The following DLGAP2 variants were observed in gnomAD, a reference collection of about 807,000 sequenced individuals.
The protein encoded by DLGAP2 is disks large-associated protein 2.
DLGAP2 carries 26 observed loss-of-function variants against 100.3 expected under a neutral mutation model. The observed-to-expected ratio is 0.26, with a 90% CI of 0.19 to 0.36. The LOEUF is 0.36. Among genes scored for constraint, DLGAP2 ranks in the 10% least tolerant of loss-of-function variants. DLGAP2 has a pLI of 1.00. For missense variants in DLGAP2, 1,858 were observed against 1,453.2 expected, an observed-to-expected ratio of 1.28 and a Z score of -4.53; for synonymous variants, 886 against 630.1, an observed-to-expected ratio of 1.41 and a Z score of -6.08.
intron 2 of DLGAP2, among the ~76,000 whole-genome samples, chr8:1,115,204 T>C (rs1011808742): frequency 6.6e-6 from 1 of 152,264 alleles, no homozygotes; most frequent in African/African-American, 2.4e-5. Flanking sequence ...GTCTGTCATA[T>C]GCATTTGGTC....
intron 1 of DLGAP2, among the ~76,000 whole-genome samples, chr8:805,046 T>C (rs1348480292): frequency 6.6e-6 from 1 of 152,208 alleles, no homozygotes; most frequent in Non-Finnish European, 1.5e-5. Context: ...GTTGGGATTA[T>C]AGGCGTGAGC....
At position 1,012,543 on chromosome 8, in the gene DLGAP2, C is replaced by G. The variant is rs192960655; in HGVS notation, c.73+104577C>G. On this transcript the variant is annotated intron_variant, in intron 2 of 14. Coordinates refer to ENST00000637795, the MANE Select transcript of DLGAP2 (RefSeq NM_001346810.2). Reference sequence around the variant, plus strand: ...CAACGTCCGACCAGCCCCCCCACTTCAGCGGCAGTGTAGACACCGTCCAAC... The same window carrying G: ...CAACGTCCGACCAGCCCCCCCACTTGAGCGGCAGTGTAGACACCGTCCAAC... Among the ~76,000 whole-genome samples, 777 of 133,816 alleles carry G rather than the reference C, an allele frequency of 5.8e-3. 5 individuals are homozygous for G. Among genetic ancestry groups the G allele is most frequent in the Non-Finnish European group, 8.9e-3 (557 of 62,506 alleles). 87.8% of individuals were successfully genotyped at this position (133,816 alleles called of 152,430 possible).
intron 3 of DLGAP2, among the ~76,000 whole-genome samples, chr8:1,391,367 C>A (rs1796347927): frequency 6.6e-6 from 1 of 152,204 alleles, no homozygotes; most frequent in Non-Finnish European, 1.5e-5. Context: ...ATGCCCCATT[C>A]AGAGGCCAGA....
At chr8:1,324,960 G>T (rs1012138476) in intron 3 of DLGAP2, among the ~76,000 whole-genome samples, 3 of 152,148 alleles carry the variant, frequency 2.0e-5, no homozygotes, top group African/African-American at 7.2e-5. Flanking sequence ...AGGCAGACTC[G>T]GGATGAGAAT....
intron 5 of DLGAP2, among the ~76,000 whole-genome samples, chr8:1,561,693 G>A (rs150902488): frequency 0.029 from 4,238 of 145,084 alleles, 89 homozygotes; most frequent in South Asian, 0.04. Flanking sequence ...TCCGCGCCTC[G>A]TTACTGGGGG....
At chr8:1,064,608 G>A (rs1563172352) in intron 2 of DLGAP2, among the ~76,000 whole-genome samples, 2 of 152,146 alleles carry the variant, frequency 1.3e-5, no homozygotes, top group Non-Finnish European at 2.9e-5. Flanking sequence ...TTAATTTGAT[G>A]GCTTTCTTTT....
chr8:1,458,042 A>T (rs982063946), intron 3 of DLGAP2, among the ~76,000 whole-genome samples: 8 of 140,914 alleles, frequency 5.7e-5, no homozygotes, highest in African/African-American at 7.9e-5. Flanking sequence ...ATATATAATT[A>T]TATATATATA....
chr8:1,522,137 G>A lies in DLGAP2; in HGVS notation c.172+20706G>A, dbSNP rs114386499. Among the ~76,000 whole-genome samples the A allele has an allele frequency of 3.8e-3, 573 of 152,294 alleles. 2 individuals carry two copies. Among genetic ancestry groups the A allele is most frequent in the African/African-American group, 0.013 (536 of 41,548 alleles). The stretch of plus-strand genomic sequence containing the variant: ...TTAATTTGGAATCCTCGGGTGGCAC[G>A]TGGTGTGGAGCATCTTTGGTTTCCA... On this transcript the variant is annotated intron_variant, in intron 4 of 14. Transcript: ENST00000637795.
intron 2 of DLGAP2, among the ~76,000 whole-genome samples, chr8:913,313 T>A (rs1330731137): frequency 6.6e-6 from 1 of 152,162 alleles, no homozygotes; most frequent in Non-Finnish European, 1.5e-5. Flanking sequence ...GTAAATCCCC[T>A]AGATTTCTTG....
intron 3 of DLGAP2, among the ~76,000 whole-genome samples, chr8:1,436,991 G>A (rs989641742): frequency 6.6e-6 from 1 of 151,850 alleles, no homozygotes; most frequent in Non-Finnish European, 1.5e-5. Flanking sequence ...TATGCCGTTC[G>A]GCCCAGGCGT....
chr8:1,578,055 C>G (rs1803066368), intron 6 of DLGAP2, among the ~76,000 whole-genome samples: 1 of 152,214 alleles, frequency 6.6e-6, no homozygotes, highest in Non-Finnish European at 1.5e-5. Context: ...ATTGGTGATT[C>G]TATAATTGTA....
intron 1 of DLGAP2, among the ~76,000 whole-genome samples, chr8:865,732 G>A (rs561307674): frequency 1.3e-5 from 2 of 152,204 alleles, no homozygotes; most frequent in East Asian, 1.9e-4. Context: ...TGTGAGCTGC[G>A]TGGATGTCTG....
intron 2 of DLGAP2, among the ~76,000 whole-genome samples, chr8:1,222,132 C>G (rs983637868): frequency 6.6e-6 from 1 of 152,164 alleles, no homozygotes; most frequent in Non-Finnish European, 1.5e-5. Flanking sequence ...CTAGAGCAGT[C>G]ATTTGGTTGT....
intron 3 of DLGAP2, among the ~76,000 whole-genome samples, chr8:1,314,769 C>T (rs532446761): frequency 6.6e-6 from 1 of 152,244 alleles, no homozygotes; most frequent in Non-Finnish European, 1.5e-5. Flanking sequence ...ACTTCTCTCT[C>T]TTTTCTGAAT....
chr8:1,307,170 T>G (rs1042076355), intron 3 of DLGAP2, among the ~76,000 whole-genome samples: 1 of 112,330 alleles, frequency 8.9e-6, no homozygotes, highest in African/African-American at 4.3e-5. Flanking sequence ...ATACCTACAC[T>G]ATTTAAATAA....
chr8:1,601,067 C>A (rs894516492), intron 6 of DLGAP2, among the ~76,000 whole-genome samples: 2 of 152,056 alleles, frequency 1.3e-5, no homozygotes, highest in African/African-American at 4.8e-5. Context: ...TGTAGACGTC[C>A]TTTTTATTGA....
intron 2 of DLGAP2, among the ~76,000 whole-genome samples, chr8:1,135,532 A>G (rs570068414): frequency 5.5e-4 from 12 of 21,870 alleles, no homozygotes; most frequent in South Asian, 2.9e-3. Context: ...TTTTTTGTCC[A>G]TATCTTAAGA....
intron 2 of DLGAP2, among the ~76,000 whole-genome samples, chr8:930,861 C>A (rs775858210): frequency 2.0e-5 from 3 of 152,228 alleles, no homozygotes; most frequent in African/African-American, 4.8e-5. Flanking sequence ...GGGAGGGAGG[C>A]GCCTTGCTCA....
At chr8:1,191,346 A>T (rs1357424333) in intron 2 of DLGAP2, among the ~76,000 whole-genome samples, 1 of 151,630 alleles carries the variant, frequency 6.6e-6, no homozygotes, top group Non-Finnish European at 1.5e-5. Flanking sequence ...AATTTTTTGT[A>T]TTTTTGGTAG....
Sources: allele counts gnomAD v4.1 joint callset (sites outside exome capture counted in the v4.1 genomes callset), GRCh38; gene constraint gnomAD v4.1.1; transcripts MANE v1.5; gene names NCBI Gene and HGNC (gene_info 2026-07-23, HGNC 2026-07-21).